The following AUTS2 variants were observed in gnomAD, a reference collection of about 807,000 sequenced individuals.
AUTS2 encodes the protein activator of transcription and developmental regulator AUTS2.
AUTS2 carries 17 observed loss-of-function variants against 112.4 expected under a neutral mutation model. The observed-to-expected ratio is 0.15, with a 90% CI of 0.10 to 0.23. The LOEUF (loss-of-function observed/expected upper bound fraction) is 0.23. Ranked by LOEUF, AUTS2 falls within the 10% of genes least tolerant of loss-of-function variation. The pLI is 1.00. For missense variants in AUTS2, 1,510 were observed against 1,701.6 expected (o/e 0.89, Z 1.98); for synonymous variants, 751 against 702.7 (o/e 1.07, Z -1.09).
intron 1 of AUTS2, among the ~76,000 whole-genome samples, chr7:69,613,141 A>G (rs1210328407): frequency 2.0e-5 from 3 of 152,202 alleles, no homozygotes; most frequent in African/African-American, 7.2e-5. Flanking sequence ...GAAATGTAGC[A>G]GTTTTTGCCT....
intron 5 of AUTS2, among the ~76,000 whole-genome samples, chr7:70,509,526 G>A (rs116993490): frequency 0.012 from 1,857 of 152,308 alleles, 15 homozygotes; most frequent in Admixed American, 0.018. Context: ...AGAATATAGG[G>A]AGGATTCTTT....
At chr7:70,683,902 CAGAG>C (rs1185913546) in intron 5 of AUTS2, among the ~76,000 whole-genome samples, 2 of 152,096 alleles carry the variant, frequency 1.3e-5, no homozygotes, top group Admixed American at 1.3e-4. Flanking sequence ...ATGGAAGAGA[CAGAG>C]AGAAAAACTA....
At chr7:69,725,318 A>G (rs758127458) in intron 1 of AUTS2, among the ~76,000 whole-genome samples, 2 of 152,186 alleles carry the variant, frequency 1.3e-5, no homozygotes, top group South Asian at 2.1e-4. Flanking sequence ...ACATATGAGC[A>G]TGCAAATAGA....
At chr7:70,261,511 T>C (rs1316949439) in intron 4 of AUTS2, among the ~76,000 whole-genome samples, 1 of 152,222 alleles carries the variant, frequency 6.6e-6, no homozygotes, top group African/African-American at 2.4e-5. Context: ...AAGTTGATTT[T>C]AAAAATATAT....
chr7:70,233,070 A>G lies in AUTS2; in HGVS notation c.660+98499A>G, dbSNP rs1286624020. Among the ~76,000 whole-genome samples the G allele has an allele frequency of 2.0e-5, 3 of 152,250 alleles. No individual in the cohort carries two copies. The East Asian group carries it at 5.8e-4, about 29-fold the overall frequency. ...GACATTACTGAGAGCCTTGGCCTCAAAACATTCATTTGATTGCCTTTCTTT... is the reference window on the plus strand; with the variant it reads ...GACATTACTGAGAGCCTTGGCCTCAGAACATTCATTTGATTGCCTTTCTTT... On this transcript the variant is annotated intron_variant, in intron 4 of 18. Transcript: ENST00000342771.
At chr7:69,896,978 A>G (rs1483073302) in intron 1 of AUTS2, among the ~76,000 whole-genome samples, 2 of 152,218 alleles carry the variant, frequency 1.3e-5, no homozygotes, top group Non-Finnish European at 2.9e-5. Flanking sequence ...TTGCAATGAT[A>G]TATTTGTGTG....
At chr7:70,448,208 C>T (rs1316769364) in intron 5 of AUTS2, among the ~76,000 whole-genome samples, 1 of 152,182 alleles carries the variant, frequency 6.6e-6, no homozygotes, top group Non-Finnish European at 1.5e-5. Context: ...TCATCGCTTT[C>T]TATTCCAAGC....
At chr7:70,008,026 T>C (rs1028111410) in intron 2 of AUTS2, among the ~76,000 whole-genome samples, 1 of 152,186 alleles carries the variant, frequency 6.6e-6, no homozygotes, top group African/African-American at 2.4e-5. Flanking sequence ...AATCTATAAA[T>C]TGTTTATGTT....
chr7:70,752,609 T>C (rs1788938015), intron 6 of AUTS2, among the ~76,000 whole-genome samples: 1 of 152,224 alleles, frequency 6.6e-6, no homozygotes, highest in Non-Finnish European at 1.5e-5. Context: ...CCCTATTTTT[T>C]TCATTTGTCC....
intron 4 of AUTS2, among the ~76,000 whole-genome samples, chr7:70,428,350 GGC>G (rs1795516660): frequency 6.6e-6 from 1 of 152,112 alleles, no homozygotes; most frequent in Admixed American, 6.6e-5. Context: ...CAAAGGATTG[GGC>G]AGCTGGGCAG....
intron 1 of AUTS2, among the ~76,000 whole-genome samples, chr7:69,866,316 T>A (rs1168202904): frequency 6.6e-6 from 1 of 152,174 alleles, no homozygotes; most frequent in African/African-American, 2.4e-5. Context: ...CTTTTCCTTA[T>A]AGGTGTGTGT....
intron 4 of AUTS2, among the ~76,000 whole-genome samples, chr7:70,227,805 T>C (rs1402398806): frequency 6.6e-6 from 1 of 152,140 alleles, no homozygotes; most frequent in South Asian, 2.1e-4. Flanking sequence ...ATATACTTTA[T>C]GTGATATTAG....
chr7:69,668,200 T>G (rs1193155941), intron 1 of AUTS2, among the ~76,000 whole-genome samples: 2 of 152,222 alleles, frequency 1.3e-5, no homozygotes, highest in Non-Finnish European at 2.9e-5. Context: ...TTTGACTTAT[T>G]TTGCTTTTAT....
chr7:70,439,996 C>T (rs1220157386), intron 5 of AUTS2, among the ~76,000 whole-genome samples: 1 of 152,118 alleles, frequency 6.6e-6, no homozygotes, highest in Non-Finnish European at 1.5e-5. Context: ...TGACTCTGTC[C>T]ATTTCTATTT....
chr7:70,081,285 T>C lies in AUTS2; in HGVS notation c.523-36847T>C, dbSNP rs529463597. 8.9e-4 allele frequency among the ~76,000 whole-genome samples: 135 copies of C among 151,554 alleles called. 2 individuals carry two copies. The highest frequency in any genetic ancestry group is 6.5e-3 in the South Asian group (31 of 4,796). ...GAACAAAATGAGCTGGACGCGCTGG[T>C]CATGCCTGTAATCCCAGCACTTTGG... On this transcript the variant is annotated intron_variant, in intron 2 of 18. Coordinates refer to ENST00000342771, the MANE Select transcript of AUTS2 (RefSeq NM_015570.4).
intron 10 of AUTS2, among the ~76,000 whole-genome samples, chr7:70,768,819 G>A (rs930923987): frequency 6.7e-6 from 1 of 148,824 alleles, no homozygotes; most frequent in South Asian, 2.1e-4. Flanking sequence ...TTTTGATGAT[G>A]GGGTGAATAC....
intron 1 of AUTS2, among the ~76,000 whole-genome samples, chr7:69,658,879 G>A (rs534641894): frequency 6.6e-6 from 1 of 152,304 alleles, no homozygotes; most frequent in Non-Finnish European, 1.5e-5. Flanking sequence ...AAACAATGTG[G>A]CCTTTGAGAA....
At chr7:70,362,782 T>C (rs1792332805) in intron 4 of AUTS2, among the ~76,000 whole-genome samples, 1 of 152,236 alleles carries the variant, frequency 6.6e-6, no homozygotes, top group African/African-American at 2.4e-5. Context: ...CCTTGTTTTA[T>C]TGCTTTAAAC....
intron 1 of AUTS2, among the ~76,000 whole-genome samples, chr7:69,720,332 T>C (rs1798858179): frequency 6.6e-6 from 1 of 152,254 alleles, no homozygotes; most frequent in Non-Finnish European, 1.5e-5. Context: ...AAATTGGTGG[T>C]GGTTAAATAT....
Sources: gnomAD v4.1 joint callset for allele counts (sites outside exome capture counted in the v4.1 genomes callset) on GRCh38, gnomAD v4.1.1 for gene constraint, MANE v1.5 for transcripts, NCBI Gene and HGNC (gene_info 2026-07-23, HGNC 2026-07-21) for gene names.